RPTOR: variants seen among roughly 807,000 people sequenced by gnomAD.
The protein encoded by RPTOR is regulatory-associated protein of mTOR.
A neutral mutation model predicts 169.9 loss-of-function variants in RPTOR; 21 were observed. The observed-to-expected ratio is 0.12, with a 90% CI of 0.09 to 0.18. The LOEUF (loss-of-function observed/expected upper bound fraction) is 0.18, where lower values mean the gene tolerates loss of function less well. Among genes scored for constraint, RPTOR ranks in the 10% least tolerant of loss-of-function variants. The pLI is 1.00. For synonymous variants in RPTOR, 732 were observed against 753.2 expected (o/e 0.97, Z 0.46); for missense variants, 1,133 against 1,855.9 (o/e 0.61, Z 7.16).
intron 13 of RPTOR, among the ~76,000 whole-genome samples, chr17:80,859,098 C>T (rs780323020): frequency 3.9e-5 from 6 of 152,092 alleles, no homozygotes; most frequent in East Asian, 1.9e-4. Flanking sequence ...CCTGTGTGGC[C>T]GGCTGGGGCT....
chr17:80,778,013 C>T (rs925488518), intron 6 of RPTOR, among the ~76,000 whole-genome samples: 3 of 152,150 alleles, frequency 2.0e-5, no homozygotes, highest in Non-Finnish European at 4.4e-5. Context: ...TGCAGTTTAT[C>T]AAATGGGAAA....
chr17:80,877,870 T>G (rs2068139960), intron 13 of RPTOR, among the ~76,000 whole-genome samples: 1 of 152,138 alleles, frequency 6.6e-6, no homozygotes, highest in Non-Finnish European at 1.5e-5. Flanking sequence ...CGTGCTCAGC[T>G]CTCATTCCAG....
chr17:80,922,491 C>T (rs543440385), intron 21 of RPTOR, among the ~76,000 whole-genome samples: 1 of 152,346 alleles, frequency 6.6e-6, no homozygotes, highest in South Asian at 2.1e-4. Context: ...GCTCACACGG[C>T]CACGCCAGGG....
At chr17:80,891,666 C>T in intron 17 of RPTOR, 54 bp from the exon 18 acceptor site, 1 of 1,236,024 alleles carries the variant, frequency 8.1e-7, no homozygotes, top group East Asian at 2.3e-5. Flanking sequence ...ACTGCTGCTC[C>T]ACAATCATTT....
Position 80,730,628 on chromosome 17 carries a change from C to T in RPTOR, c.576C>T (p.Phe192=), listed in dbSNP as rs765343224. 25 of 1,613,988 alleles carry T rather than the reference C, an allele frequency of 1.5e-5. No individual in the cohort carries two copies. Among genetic ancestry groups the T allele is most frequent in the South Asian group, 3.3e-5 (3 of 91,082 alleles). ...LQTWMGSPSI[F]VYDCSNAGLI... is the part of the protein sequence containing the mutation. ...CGTGGATGGGCAGCCCGTCGATCTT[C>T]GTCTACGACTGCTCCAATGCTGGCT... The change falls in exon 5 of 34, where the codon TTC becomes TTT. Residue 192 remains phenylalanine (F), a synonymous_variant. Transcript: ENST00000306801. This position sits in a 1 kb window ranked among gnomAD's most constrained non-coding sequence, Gnocchi z 4.2.
At chr17:80,906,776 C>T (rs1191351305) in intron 20 of RPTOR, among the ~76,000 whole-genome samples, 2 of 152,168 alleles carry the variant, frequency 1.3e-5, no homozygotes, top group African/African-American at 2.4e-5. Flanking sequence ...TAGATGGCAG[C>T]GTGACCTCCT....
intron 2 of RPTOR, among the ~76,000 whole-genome samples, chr17:80,639,255 C>A (rs1312376293): frequency 6.6e-6 from 1 of 150,842 alleles, no homozygotes; most frequent in Admixed American, 6.6e-5. Context: ...ATTTGCACTT[C>A]ATCTAGTAGG....
At chr17:80,574,883 T>C (rs912110057) in intron 1 of RPTOR, among the ~76,000 whole-genome samples, 1 of 150,550 alleles carries the variant, frequency 6.6e-6, no homozygotes, top group African/African-American at 2.4e-5. Flanking sequence ...AGGCTCATCT[T>C]GAACTCCTTG....
intron 6 of RPTOR, among the ~76,000 whole-genome samples, chr17:80,787,763 A>T (rs984908101): frequency 2.6e-5 from 4 of 152,282 alleles, no homozygotes; most frequent in African/African-American, 7.2e-5. Flanking sequence ...CTCATATCGC[A>T]TGATGTTGAA....
chr17:80,723,721 C>A (rs1051072973), intron 4 of RPTOR, among the ~76,000 whole-genome samples: 5 of 151,240 alleles, frequency 3.3e-5, no homozygotes, highest in Non-Finnish European at 7.3e-5. Flanking sequence ...CTAAGTGATG[C>A]ATTTGTGTGT....
At chr17:80,930,517 G>GCTCAGCTCATCCTCAC (rs1555637058) in intron 24 of RPTOR, among the ~76,000 whole-genome samples, 15 of 17,568 alleles carry the variant, frequency 8.5e-4, no homozygotes, top group South Asian at 1.6e-3. Flanking sequence ...CTCATCTTCA[G>GCTCAGCTCATCCTCAC]CTTATCCACT....
At chr17:80,953,678 G>A (rs1211967501) in intron 28 of RPTOR, among the ~76,000 whole-genome samples, 1 of 152,252 alleles carries the variant, frequency 6.6e-6, no homozygotes, top group East Asian at 1.9e-4. Context: ...GTCCGGGTGG[G>A]CAGCAAGCAT....
chr17:80,923,824 T>C lies in RPTOR; in HGVS notation c.2808+151T>C. 2.4e-6 allele frequency: 2 copies of C among 834,122 alleles called. 1 individual carries two copies. The highest frequency in any genetic ancestry group is 3.7e-5 in the South Asian group (2 of 54,532). The allele number at this position is 834,122 out of a possible 1,614,324, so 51.7% of individuals were successfully genotyped here. ...TGGGTCTGTGGGCCACTCTCTGCCT[T>C]TGCAGACCCGGGTGCTGGTCCTCAC... On this transcript the variant is annotated intron_variant, in intron 23 of 33. Transcript: ENST00000306801.
chr17:80,585,233 C>T (rs1381138539), intron 1 of RPTOR, among the ~76,000 whole-genome samples: 1 of 146,564 alleles, frequency 6.8e-6, no homozygotes, highest in Non-Finnish European at 1.5e-5. Flanking sequence ...GAGATGGAGT[C>T]TTGCTCTGTC....
Position 80,859,940 on chromosome 17 carries a change from G to A in RPTOR, c.1509+2040G>A, listed in dbSNP as rs960214267. Among the ~76,000 whole-genome samples the A allele has an allele frequency of 6.6e-5, 10 of 152,226 alleles. No individual in the cohort carries two copies. The East Asian group carries it at 7.7e-4, about 12-fold the overall frequency. ...CGGCACCCCACTGGGCCCCTGCGCC[G>A]GGTCTGGAGCTCCTTGCCCACACAG... On this transcript the variant is annotated intron_variant, in intron 13 of 33. Transcript: ENST00000306801.
intron 16 of RPTOR, among the ~76,000 whole-genome samples, chr17:80,884,250 G>A (rs577105388): frequency 1.3e-5 from 2 of 152,316 alleles, no homozygotes; most frequent in African/African-American, 4.8e-5. Context: ...CTCGCTGTCC[G>A]GGTGCCGCTC....
At chr17:80,910,763 A>G (rs898541847) in intron 21 of RPTOR, among the ~76,000 whole-genome samples, 5 of 151,538 alleles carry the variant, frequency 3.3e-5, no homozygotes, top group Non-Finnish European at 7.4e-5. Context: ...CGGTTCCTTC[A>G]ACTAAGTTAT....
At chr17:80,946,391 G>T (rs554931533) in intron 26 of RPTOR, among the ~76,000 whole-genome samples, 1 of 152,190 alleles carries the variant, frequency 6.6e-6, no homozygotes, top group South Asian at 2.1e-4. Context: ...GGCATTCAGC[G>T]TATTCACATT....
chr17:80,704,769 G>C (rs1360141517), intron 3 of RPTOR, among the ~76,000 whole-genome samples: 1 of 152,200 alleles, frequency 6.6e-6, no homozygotes, highest in East Asian at 1.9e-4. Context: ...TGAACAGAAA[G>C]GCACACATGT....
Sources: allele counts gnomAD v4.1 joint callset (sites outside exome capture counted in the v4.1 genomes callset), GRCh38; gene constraint gnomAD v4.1.1; non-coding constraint Gnocchi (gnomAD v3.1); transcripts MANE v1.5; gene names NCBI Gene and HGNC (gene_info 2026-07-23, HGNC 2026-07-21).